Variants in GREB1L observed in about 807,000 individuals in gnomAD.
GREB1L encodes the protein GREB1-like protein.
GREB1L carries 17 observed loss-of-function variants against 200.8 expected under a neutral mutation model. The observed-to-expected ratio is 0.08, with a 90% CI of 0.06 to 0.13. The LOEUF (loss-of-function observed/expected upper bound fraction) is 0.13. Among genes scored for constraint, GREB1L ranks in the 10% least tolerant of loss-of-function variants. The probability of loss-of-function intolerance (pLI) is 1.00; values close to 1 mark genes in which losing one functional copy is unlikely to be tolerated. For missense variants in GREB1L, 1,657 were observed against 2,367.7 expected, an observed-to-expected ratio of 0.70 and a Z score of 6.23; for synonymous variants, 789 against 893.0, an observed-to-expected ratio of 0.88 and a Z score of 2.08.
intron 1 of GREB1L, among the ~76,000 whole-genome samples, chr18:21,365,607 AT>A (rs1220893130): frequency 6.6e-6 from 1 of 152,098 alleles, no homozygotes; most frequent in Non-Finnish European, 1.5e-5. Flanking sequence ...GAGTAGATAA[AT>A]TTGGGCCGGG....
chr18:21,366,445 A>T (rs993629858), intron 2 of GREB1L, among the ~76,000 whole-genome samples: 1 of 152,224 alleles, frequency 6.6e-6, no homozygotes, highest in African/African-American at 2.4e-5. Flanking sequence ...ATTGTCTAAT[A>T]AATGAGACTT....
chr18:21,251,011 T>C (rs1425895316), intron 1 of GREB1L, among the ~76,000 whole-genome samples: 1 of 152,176 alleles, frequency 6.6e-6, no homozygotes. Flanking sequence ...TAGGATCATA[T>C]TATGCTTTTT....
intron 1 of GREB1L, among the ~76,000 whole-genome samples, chr18:21,250,182 G>T (rs757699893): frequency 1.2e-4 from 18 of 152,126 alleles, no homozygotes; most frequent in Non-Finnish European, 2.1e-4. Context: ...GCGAGTGGGG[G>T]ATTAGGTCAG....
intron 4 of GREB1L, among the ~76,000 whole-genome samples, chr18:21,386,531 C>T (rs531872802): frequency 1.3e-5 from 2 of 151,436 alleles, no homozygotes; most frequent in East Asian, 3.9e-4. Context: ...CCTCATGATC[C>T]ACCCTCCTCG....
Position 21,449,844 on chromosome 18 carries a change from A to C in GREB1L, c.1720+8A>C. 1 of 1,488,288 alleles carries C rather than the reference A, an allele frequency of 6.7e-7. No homozygotes were observed. Among genetic ancestry groups the C allele is most frequent in the Non-Finnish European group, 9.0e-7 (1 of 1,117,210 alleles). The allele number at this position is 1,488,288 out of a possible 1,614,324, so 92.2% of individuals were successfully genotyped here. On this transcript the variant is annotated splice_region_variant and intron_variant, in intron 12 of 32. Transcript: ENST00000424526. ...TTTGTGTGGTAGTGTTAGGTGAGTA[A>C]TTTTTTTGTTTTTTGTTTGTTTAAT...
chr18:21,487,272 A>G (rs1223543300), intron 18 of GREB1L, among the ~76,000 whole-genome samples: 1 of 152,232 alleles, frequency 6.6e-6, no homozygotes, highest in Non-Finnish European at 1.5e-5. Flanking sequence ...TTGTGCTACA[A>G]AAGTTGTAAG....
intron 1 of GREB1L, among the ~76,000 whole-genome samples, chr18:21,251,675 G>A (rs1660744799): frequency 6.6e-6 from 1 of 152,138 alleles, no homozygotes; most frequent in Admixed American, 6.5e-5. Flanking sequence ...GGCTGGGCAC[G>A]GTGGCTCACA....
chr18:21,334,165 G>T (rs1169898822), intron 1 of GREB1L, among the ~76,000 whole-genome samples: 1 of 152,100 alleles, frequency 6.6e-6, no homozygotes, highest in Non-Finnish European at 1.5e-5. Flanking sequence ...ATTAGCTAAT[G>T]TTAGTAAGTT....
rs1359770073 is a variant in GREB1L at position 21,495,654 on chromosome 18, G to A, written c.3031-16G>A. On this transcript the variant is annotated splice_polypyrimidine_tract_variant and intron_variant, in intron 19 of 32. Coordinates refer to ENST00000424526, the MANE Select transcript of GREB1L (RefSeq NM_001142966.3). ...AATGAGAGTTTTAATTTTAACATAC[G>A]GGTCTCTTTCTGTAGAGTTGGAGAG... The A allele has an allele frequency of 1.4e-5, 18 of 1,283,924 alleles. No individual in the cohort carries two copies. Among genetic ancestry groups the A allele is most frequent in the East Asian group, 2.5e-5 (1 of 39,594 alleles). 79.5% of individuals were successfully genotyped at this position (1,283,924 alleles called of 1,614,324 possible).
intron 2 of GREB1L, among the ~76,000 whole-genome samples, chr18:21,381,247 T>G (rs1020991553): frequency 7.7e-6 from 1 of 130,338 alleles, no homozygotes; most frequent in African/African-American, 3.0e-5. Context: ...GTCTCAAAAA[T>G]AATAATAATA....
chr18:21,367,739 T>A (rs909257635), intron 2 of GREB1L, among the ~76,000 whole-genome samples: 1 of 152,196 alleles, frequency 6.6e-6, no homozygotes, highest in Non-Finnish European at 1.5e-5. Context: ...TTAAATCTTG[T>A]GTTTCTTCCT....
chr18:21,421,290 A>G (rs982337873), intron 7 of GREB1L, among the ~76,000 whole-genome samples: 4 of 152,214 alleles, frequency 2.6e-5, no homozygotes, highest in Admixed American at 2.0e-4. Flanking sequence ...CAATAAAGCT[A>G]TTTTTAAAAT....
intron 1 of GREB1L, among the ~76,000 whole-genome samples, chr18:21,362,727 T>TTTCCCC (rs2039598109): frequency 6.6e-6 from 1 of 152,236 alleles, no homozygotes. Context: ...TTCTTCGAAA[T>TTTCCCC]TTCCCCTTCA....
chr18:21,506,514 T>C (rs1318966860), intron 25 of GREB1L, among the ~76,000 whole-genome samples: 5 of 152,216 alleles, frequency 3.3e-5, no homozygotes, highest in African/African-American at 1.2e-4. Flanking sequence ...TTCAAATGGT[T>C]ACACGTGTCA....
At chr18:21,330,077 G>A (rs535211761) in intron 1 of GREB1L, among the ~76,000 whole-genome samples, 1 of 151,818 alleles carries the variant, frequency 6.6e-6, no homozygotes, top group East Asian at 1.9e-4. Context: ...AATTAAGCCA[G>A]TTCTTATAGA....
intron 15 of GREB1L, among the ~76,000 whole-genome samples, chr18:21,456,025 T>C (rs1197007389): frequency 6.7e-6 from 1 of 148,454 alleles, no homozygotes; most frequent in African/African-American, 2.5e-5. Context: ...TGCCTCAGCC[T>C]CTTCCAAGTA....
chr18:21,271,166 A>C (rs1306725032), intron 1 of GREB1L, among the ~76,000 whole-genome samples: 1 of 152,248 alleles, frequency 6.6e-6, no homozygotes, highest in Non-Finnish European at 1.5e-5. Context: ...AGTATATAAC[A>C]GACCTTTATA....
chr18:21,408,378 G>T (rs1203566299), intron 7 of GREB1L, among the ~76,000 whole-genome samples: 1 of 152,116 alleles, frequency 6.6e-6, no homozygotes, highest in African/African-American at 2.4e-5. Context: ...TTAATAAGAT[G>T]ACAGTCCAAC....
chr18:21,397,466 A>G (rs2041120280), intron 5 of GREB1L, among the ~76,000 whole-genome samples: 2 of 150,926 alleles, frequency 1.3e-5, no homozygotes, highest in Admixed American at 6.6e-5. Flanking sequence ...CAGAGCTTGC[A>G]GTTAGCGGAG....
Sources: gnomAD v4.1 joint callset for allele counts (sites outside exome capture counted in the v4.1 genomes callset) on GRCh38, gnomAD v4.1.1 for gene constraint, MANE v1.5 for transcripts, NCBI Gene and HGNC (gene_info 2026-07-23, HGNC 2026-07-21) for gene names.